Variants in ABCA3 observed in about 807,000 individuals in gnomAD.
The protein encoded by ABCA3 is ATP binding cassette subfamily A member 3, also known as phospholipid-transporting ATPase ABCA3.
ABCA3 carries 88 observed loss-of-function variants against 172.8 expected under a neutral mutation model. That is an observed-to-expected ratio of 0.51 (90% CI 0.43 to 0.61). The LOEUF is 0.61. Among genes scored for constraint, ABCA3 ranks in the 20% least tolerant of loss-of-function variants. The probability of loss-of-function intolerance (pLI) is 0.00; values close to 1 mark genes in which losing one functional copy is unlikely to be tolerated. For synonymous variants in ABCA3, 1,066 were observed against 983.8 expected, an observed-to-expected ratio of 1.08 and a Z score of -1.56; for missense variants, 2,164 against 2,301.0, an observed-to-expected ratio of 0.94 and a Z score of 1.22.
At position 2,277,336 on chromosome 16, in the gene ABCA3, T is replaced by A. The variant is rs144338669; in HGVS notation, c.4983+261A>T. 1.8e-3 allele frequency among the ~76,000 whole-genome samples: 274 copies of A among 152,254 alleles called. 2 individuals carry two copies. Among genetic ancestry groups the A allele is most frequent in the African/African-American group, 6.0e-3 (249 of 41,548 alleles). ...ACTCCCAGGCTTAAGCAATCCTCCC[T>A]CCTCGGCCTCCCAAAGTGCTGGGAT... is the stretch of plus-strand genomic sequence containing the variant. On this transcript the variant is annotated intron_variant, in intron 32 of 32. Transcript: ENST00000301732. The surrounding 1 kb of genome is among the most constrained non-coding windows in gnomAD (Gnocchi z 5.3).
intron 7 of ABCA3, among the ~76,000 whole-genome samples, chr16:2,322,093 G>C (rs575587556): frequency 4.6e-5 from 7 of 151,984 alleles, no homozygotes; most frequent in Non-Finnish European, 1.0e-4. Context: ...AGCTACTTGG[G>C]AGGTTGAGGC....
chr16:2,311,099 G>A lies in ABCA3; in HGVS notation c.1112-2476C>T, dbSNP rs1296263053. Among the ~76,000 whole-genome samples, 8 of 151,866 alleles carry A rather than the reference G, an allele frequency of 5.3e-5. No homozygotes were observed. In the East Asian group the frequency reaches 5.8e-4, roughly 11 times the overall value. On this transcript the variant is annotated intron_variant, in intron 10 of 32. Transcript: ENST00000301732. The stretch of plus-strand genomic sequence containing the variant: ...AGCAATTCTCCTGCCTCAGCCTCCC[G>A]AGTCACTGGGACTACAGGCGAGCGC...
chr16:2,316,989 C>T (rs894934385), intron 10 of ABCA3, among the ~76,000 whole-genome samples: 3 of 152,228 alleles, frequency 2.0e-5, no homozygotes, highest in African/African-American at 7.2e-5. Context: ...ACGTAACTGT[C>T]ACCGCAAGGC....
At chr16:2,315,095 G>T (rs1244797857) in intron 10 of ABCA3, among the ~76,000 whole-genome samples, 6 of 151,144 alleles carry the variant, frequency 4.0e-5, no homozygotes, top group South Asian at 4.2e-4. Flanking sequence ...GTGTTGGCCA[G>T]GATGGTCTCA....
rs780454385 is a variant in ABCA3 at position 2,308,450 on chromosome 16, C to T, written c.1285G>A (p.Gly429Ser). Residue 429 changes from glycine (G) to serine (S), a missense_variant and splice_region_variant, in exon 11 of 33, where the codon GGC becomes AGC. Gly to Ser is a moderately conservative substitution (Grantham distance 56, BLOSUM62 0). Coordinates refer to ENST00000301732, the MANE Select transcript of ABCA3 (RefSeq NM_001089.3). Reference protein sequence around the residue: ...AQLIGKFEAKGMGIQWRDLLS... With the variant: ...AQLIGKFEAKSMGIQWRDLLS... ...CAGGCTGGACAAGGCAAACACTCAC[C>T]TTTCGCCTCAAATTTCCCAATGAGC... 3 of 1,614,156 alleles carry T rather than the reference C, an allele frequency of 1.9e-6. No homozygotes were observed. In the Admixed American group the frequency reaches 5.0e-5, roughly 27 times the overall value.
rs376102275 is a variant in ABCA3, at chr16:2,294,561, A to T, written c.2414+1029T>A. Among the ~76,000 whole-genome samples, 240 of 152,138 alleles carry T rather than the reference A, an allele frequency of 1.6e-3. 8 individuals are homozygous for T. In the South Asian group the frequency reaches 0.047, roughly 30 times the overall value. On this transcript the variant is annotated intron_variant, in intron 18 of 32. Transcript: ENST00000301732. The stretch of plus-strand genomic sequence containing the variant: ...AAACTAGCCGGACATGTTGATACAC[A>T]CCTGTAGTCCCAACTATTCGGGAGG...
In ABCA3 at chr16:2,288,057, C is replaced by T. The variant is rs775337404; in HGVS notation, c.2973G>A (p.Gln991=). The part of the protein sequence containing the change: ...QLSEHLKDAL[Q]AEGQEPREVL... Reference sequence around the variant, plus strand: ...CCTCGCGGGGCTCCTGTCCCTCAGCCTGCAGTGCGTCTTTCAGATGCTCTG... The same window carrying T: ...CCTCGCGGGGCTCCTGTCCCTCAGCTTGCAGTGCGTCTTTCAGATGCTCTG... Residue 991 remains glutamine (Q), a synonymous_variant, in exon 21 of 33, where the codon CAG becomes CAA. Coordinates refer to ENST00000301732, the MANE Select transcript of ABCA3 (RefSeq NM_001089.3). 1.9e-6 allele frequency: 3 copies of T among 1,611,562 alleles called. No individual in the cohort carries two copies. Among genetic ancestry groups the T allele is most frequent in the Non-Finnish European group, 2.5e-6 (3 of 1,180,028 alleles).
intron 11 of ABCA3, among the ~76,000 whole-genome samples, chr16:2,305,258 G>A (rs144443927): frequency 1.3e-5 from 2 of 151,972 alleles, no homozygotes; most frequent in East Asian, 1.9e-4. Context: ...CTCAGCCTTC[G>A]GAGTAGCTGG....
intron 10 of ABCA3, among the ~76,000 whole-genome samples, chr16:2,311,126 A>G (rs1266556110): frequency 1.3e-5 from 2 of 151,972 alleles, no homozygotes; most frequent in African/African-American, 4.8e-5. Context: ...GGCGAGCGCC[A>G]CCACACCCAG....
intron 1 of ABCA3, among the ~76,000 whole-genome samples, chr16:2,334,616 A>C (rs958042223): frequency 1.3e-5 from 2 of 151,218 alleles, no homozygotes. Flanking sequence ...GGTTCAAGTA[A>C]GTGATTCTCC....
chr16:2,312,828 G>A (rs1216059126), intron 10 of ABCA3, among the ~76,000 whole-genome samples: 10 of 151,682 alleles, frequency 6.6e-5, no homozygotes, highest in African/African-American at 1.7e-4. Context: ...CACCATGCCC[G>A]GCCGAAATTG....
Position 2,279,041 on chromosome 16 carries a change from G to A in ABCA3, c.4449C>T (p.Leu1483=), listed in dbSNP as rs2093651124. 1 of 1,613,476 alleles carries A rather than the reference G, an allele frequency of 6.2e-7. No individual in the cohort carries two copies. The highest frequency in any genetic ancestry group is 2.2e-5 in the East Asian group (1 of 44,884). ...GREMLVMYAR[L]RGIPERHIGA... ...CGATGTGGCGCTCAGGGATGCCCCG[G>A]AGCCGAGCGTACATGACCAGCATCT... Residue 1483 remains leucine, a synonymous_variant, in exon 29 of 33, where the codon CTC becomes CTT. Coordinates refer to ENST00000301732, the MANE Select transcript of ABCA3 (RefSeq NM_001089.3). The surrounding 1 kb of genome is among the most constrained non-coding windows in gnomAD (Gnocchi z 4.4).
Position 2,288,006 on chromosome 16 carries a change from G to A in ABCA3, c.3004+20C>T, listed in dbSNP as rs757362890. On this transcript the variant is annotated intron_variant, in intron 21 of 32. Transcript: ENST00000301732. Reference sequence around the variant, plus strand: ...GACTGGCCCCCGATGCCCCCGTCCCGCCCCCGGGATGCCCCTTACCGAGCA... The same window carrying A: ...GACTGGCCCCCGATGCCCCCGTCCCACCCCCGGGATGCCCCTTACCGAGCA... The A allele has an allele frequency of 5.6e-5, 90 of 1,599,400 alleles. No homozygotes were observed. The highest frequency in any genetic ancestry group is 4.7e-4 in the East Asian group (21 of 44,856).
chr16:2,290,785 C>A (rs2093670844), intron 19 of ABCA3, among the ~76,000 whole-genome samples: 1 of 152,220 alleles, frequency 6.6e-6, no homozygotes, highest in South Asian at 2.1e-4. Context: ...CCAGAGCATG[C>A]ACCACCATGT....
intron 3 of ABCA3, 40 bp downstream of exon 3, chr16:2,328,413 A>T (rs893327564): frequency 2.2e-6 from 1 of 457,366 alleles, no homozygotes; most frequent in African/African-American, 2.0e-5. Context: ...CCCAGAGTTA[A>T]GTTCATCTCA....
At chr16:2,299,789 C>A (rs539684110) in intron 13 of ABCA3, among the ~76,000 whole-genome samples, 1 of 152,164 alleles carries the variant, frequency 6.6e-6, no homozygotes, top group Non-Finnish European at 1.5e-5. Flanking sequence ...CACTGCTGGA[C>A]GGCTGAGTCT....
chr16:2,303,832 T>C (rs2093693337), intron 12 of ABCA3, 137 bp downstream of exon 12: 1 of 978,380 alleles, frequency 1.0e-6, no homozygotes, highest in Non-Finnish European at 1.6e-6. Context: ...CCACTCCCTG[T>C]GCACAGGGCA....
rs201017039 is a variant in ABCA3, at chr16:2,317,458, G to A, written c.991-55C>T. The A allele has an allele frequency of 2.5e-6, 4 of 1,609,866 alleles. No homozygotes were observed. The African/African-American group carries it at 4.0e-5, about 16-fold the overall frequency. The stretch of plus-strand genomic sequence containing the variant: ...GTGGGCCGGCAGAGGTGGACCAGGA[G>A]GACTCCTGACCATCCCTGGTCACAG... On this transcript the variant is annotated intron_variant, in intron 9 of 32. Coordinates refer to ENST00000301732, the MANE Select transcript of ABCA3 (RefSeq NM_001089.3).
chr16:2,330,224 T>C (rs1596869467), intron 1 of ABCA3, among the ~76,000 whole-genome samples: 1 of 134,876 alleles, frequency 7.4e-6, no homozygotes, highest in South Asian at 2.5e-4. Flanking sequence ...ACCCAGGAGG[T>C]GGAGGTTGCA....
Sources: allele counts gnomAD v4.1 joint callset (sites outside exome capture counted in the v4.1 genomes callset), GRCh38; gene constraint gnomAD v4.1.1; non-coding constraint Gnocchi (gnomAD v3.1); transcripts MANE v1.5; gene names NCBI Gene and HGNC (gene_info 2026-07-23, HGNC 2026-07-21).